The following WNT5B variants were observed in gnomAD, a reference collection of about 807,000 sequenced individuals.
The protein encoded by WNT5B is protein Wnt-5b.
Under a neutral mutation model 36.5 loss-of-function variants are expected in WNT5B, and 18 were observed. The ratio of observed to expected loss-of-function variants is 0.49; its 90% CI spans 0.34 to 0.73. WNT5B has a LOEUF of 0.73. WNT5B is among the 30% of genes least tolerant of loss of function. The pLI is 0.01. For missense variants in WNT5B, 424 were observed against 508.4 expected, an observed-to-expected ratio of 0.83 and a Z score of 1.60; for synonymous variants, 213 against 212.3, an observed-to-expected ratio of 1.00 and a Z score of -0.03.
chr12:1,631,528 C>T, intron 2 of WNT5B, 94 bp downstream of exon 2: 1 of 1,584,248 alleles, frequency 6.3e-7, no homozygotes, highest in Non-Finnish European at 8.6e-7. Context: ...CACGGTAGTA[C>T]CTTGATTCCT....
intron 3 of WNT5B, among the ~76,000 whole-genome samples, 170 bp from the exon 4 acceptor site, chr12:1,639,514 C>G (rs1027402907): frequency 1.3e-5 from 2 of 152,138 alleles, no homozygotes; most frequent in South Asian, 4.1e-4. Flanking sequence ...CAGATTTCAG[C>G]CCATTATAAA....
rs907776645 is a variant in WNT5B, at chr12:1,632,458, C to T, written c.81-200C>T. On this transcript the variant is annotated intron_variant, in intron 2 of 4. Transcript: ENST00000397196. This position sits in a 1 kb window ranked among gnomAD's most constrained non-coding sequence, Gnocchi z 5.8. ...AGTCTGTCTGGGGCATTTGGCATCT[C>T]GCATGTCCTTTGTGTTCATGCCTCA... 1.3e-5 allele frequency among the ~76,000 whole-genome samples: 2 copies of T among 152,214 alleles called. No homozygotes were observed. Among genetic ancestry groups the T allele is most frequent in the East Asian group, 1.9e-4 (1 of 5,204 alleles).
chr12:1,623,782 A>G (rs1460565986), intron 1 of WNT5B, among the ~76,000 whole-genome samples: 2 of 152,120 alleles, frequency 1.3e-5, no homozygotes. Context: ...CCAGACCCAT[A>G]GCTCTTGACC....
At chr12:1,622,470 A>C (rs1175740570) in intron 1 of WNT5B, among the ~76,000 whole-genome samples, 1 of 152,194 alleles carries the variant, frequency 6.6e-6, no homozygotes, top group Non-Finnish European at 1.5e-5. Flanking sequence ...GAAAAGACAG[A>C]GAGTTATGTC....
At chr12:1,631,261 A>G in intron 1 of WNT5B, 37 bp from the exon 2 acceptor site, 1 of 1,561,854 alleles carries the variant, frequency 6.4e-7, no homozygotes, top group East Asian at 2.3e-5. Flanking sequence ...TTATCCGCTG[A>G]GTTTCCACAC....
chr12:1,635,651 C>T (rs949499161), intron 3 of WNT5B, among the ~76,000 whole-genome samples: 2 of 152,252 alleles, frequency 1.3e-5, no homozygotes, highest in Non-Finnish European at 2.9e-5. Flanking sequence ...GAGGCTCCCT[C>T]CGTTCCAGGA....
chr12:1,633,575 T>C lies in WNT5B; in HGVS notation c.328+670T>C, dbSNP rs898513285. ...CCACCCTATTGCTTAGATGGAGGTGTGATCTGAGGTCTAATTGTTTTAGGT... is the reference window on the plus strand; with the variant it reads ...CCACCCTATTGCTTAGATGGAGGTGCGATCTGAGGTCTAATTGTTTTAGGT... On this transcript the variant is annotated intron_variant, in intron 3 of 4. Transcript: ENST00000397196. This position sits in a 1 kb window ranked among gnomAD's most constrained non-coding sequence, Gnocchi z 4.8. Among the ~76,000 whole-genome samples the C allele has an allele frequency of 6.6e-6, 1 of 152,134 alleles. No individual in the cohort carries two copies. Among genetic ancestry groups the C allele is most frequent in the African/African-American group, 2.4e-5 (1 of 41,408 alleles).
chr12:1,632,615 C>A lies in WNT5B; in HGVS notation c.81-43C>A. The A allele has an allele frequency of 1.3e-6, 2 of 1,566,470 alleles. No individual in the cohort carries two copies. Among genetic ancestry groups the A allele is most frequent in the South Asian group, 2.3e-5 (2 of 85,960 alleles). ...TTAATGCTGCACACAGGCGTATGCT[C>A]ACTCCTGGGCCTTTTTTTCCCCTTT... is the stretch of plus-strand genomic sequence containing the variant. On this transcript the variant is annotated intron_variant, in intron 2 of 4. Coordinates refer to ENST00000397196, the MANE Select transcript of WNT5B (RefSeq NM_032642.3). This position sits in a 1 kb window ranked among gnomAD's most constrained non-coding sequence, Gnocchi z 5.8.
chr12:1,622,229 G>T lies in WNT5B; in HGVS notation c.-58+5086G>T, dbSNP rs185904123. Among the ~76,000 whole-genome samples the T allele has an allele frequency of 9.8e-3, 1,481 of 150,818 alleles. 22 individuals are homozygous for T. The highest frequency in any genetic ancestry group is 0.034 in the African/African-American group (1,410 of 41,016). On this transcript the variant is annotated intron_variant, in intron 1 of 4. Coordinates refer to the WNT5B transcript ENST00000310594. ...GGGTTCACGCCATTCTCCTGCTTCAGCCTCCTGAGTCGCTGGGACTACAGG... is the reference window on the plus strand; with the variant it reads ...GGGTTCACGCCATTCTCCTGCTTCATCCTCCTGAGTCGCTGGGACTACAGG...
At chr12:1,642,306 C>G (rs1167818726) in intron 4 of WNT5B, among the ~76,000 whole-genome samples, 1 of 152,242 alleles carries the variant, frequency 6.6e-6, no homozygotes, top group African/African-American at 2.4e-5. Context: ...TATCTCCTGA[C>G]TGCCCAGAGT....
chr12:1,623,952 GTA>G (rs1040930010), intron 1 of WNT5B, among the ~76,000 whole-genome samples: 3 of 152,194 alleles, frequency 2.0e-5, no homozygotes, highest in African/African-American at 7.2e-5. Context: ...GGCTGTGTGT[GTA>G]TCTAAGTGTG....
chr12:1,627,010 T>A (rs920550464), upstream of WNT5B, among the ~76,000 whole-genome samples: 2 of 152,108 alleles, frequency 1.3e-5, no homozygotes, highest in Non-Finnish European at 2.9e-5. The surrounding 1 kb of genome is among the most constrained non-coding windows in gnomAD (Gnocchi z 5.0). Flanking sequence ...GGGAGAAAAA[T>A]GGTAAATAAG....
At chr12:1,623,188 T>G (rs12826369) in intron 1 of WNT5B, among the ~76,000 whole-genome samples, 7 of 56,628 alleles carry the variant, frequency 1.2e-4, no homozygotes, top group African/African-American at 4.1e-4. Context: ...TTTTTTGTTG[T>G]TTTTTTTTTT....
chr12:1,645,231 T>C (rs1835525707), intron 4 of WNT5B, among the ~76,000 whole-genome samples: 1 of 152,174 alleles, frequency 6.6e-6, no homozygotes, highest in South Asian at 2.1e-4. Context: ...CATTTTGTTA[T>C]TTTGTTTTGT....
intron 2 of WNT5B, among the ~76,000 whole-genome samples, chr12:1,631,876 G>A (rs1235842011): frequency 1.3e-5 from 2 of 152,154 alleles, no homozygotes; most frequent in Non-Finnish European, 2.9e-5. Flanking sequence ...TATGTTTTAA[G>A]GGCTGTTGTC....
Position 1,646,340 on chromosome 12 carries a change from A to G in WNT5B, c.*88A>G, listed in dbSNP as rs2094585696. 9.0e-7 allele frequency: 1 copy of G among 1,111,556 alleles called. No homozygotes were observed. The highest frequency in any genetic ancestry group is 1.6e-5 in the African/African-American group (1 of 62,766). 68.9% of individuals were successfully genotyped at this position (1,111,556 alleles called of 1,614,324 possible). On this transcript the variant is annotated 3_prime_UTR_variant, in exon 5 of 5. Transcript: ENST00000397196. ...CTATATAAATCTATTTTATATTTGT[A>G]TAAGTAAATGGGTGGGTGCTATACA...
chr12:1,621,547 A>T (rs1277126730), intron 1 of WNT5B, among the ~76,000 whole-genome samples: 1 of 152,128 alleles, frequency 6.6e-6, no homozygotes, highest in African/African-American at 2.4e-5. Context: ...CAGATTTTTT[A>T]AAAAGTTAAT....
chr12:1,642,016 C>A (rs960908272), intron 4 of WNT5B, among the ~76,000 whole-genome samples: 2 of 152,176 alleles, frequency 1.3e-5, no homozygotes, highest in African/African-American at 2.4e-5. Context: ...TTACGCTTCC[C>A]CTATCCAGAG....
At chr12:1,641,207 A>C (rs1174278768) in intron 4 of WNT5B, among the ~76,000 whole-genome samples, 1 of 152,230 alleles carries the variant, frequency 6.6e-6, no homozygotes, top group East Asian at 1.9e-4. Flanking sequence ...CAACATGGTG[A>C]AACCCTGTCT....
Sources: allele counts gnomAD v4.1 joint callset (sites outside exome capture counted in the v4.1 genomes callset), GRCh38; gene constraint gnomAD v4.1.1; non-coding constraint Gnocchi (gnomAD v3.1); transcripts MANE v1.5; gene names NCBI Gene and HGNC (gene_info 2026-07-23, HGNC 2026-07-21).